The following MYO1D variants were observed in gnomAD, a reference collection of about 807,000 sequenced individuals.
The protein encoded by MYO1D is unconventional myosin-Id.
A neutral mutation model predicts 122.0 loss-of-function variants in MYO1D; 83 were observed. That is an observed-to-expected ratio of 0.68 (90% confidence interval 0.57 to 0.82). The LOEUF is 0.82. Among genes scored for constraint, MYO1D ranks in the 40% least tolerant of loss-of-function variants. MYO1D has a pLI of 0.00. For synonymous variants in MYO1D, 464 were observed against 446.9 expected, an observed-to-expected ratio of 1.04 and a Z score of -0.48; for missense variants, 1,157 against 1,269.5, an observed-to-expected ratio of 0.91 and a Z score of 1.35.
At chr17:32,715,136 G>A (rs1319031445) in intron 15 of MYO1D, among the ~76,000 whole-genome samples, 7 of 152,150 alleles carry the variant, frequency 4.6e-5, no homozygotes, top group Admixed American at 4.6e-4. Flanking sequence ...CAGTCAGAAT[G>A]GCAATTAGTA....
At chr17:32,593,117 C>G (rs1326573833) in intron 21 of MYO1D, among the ~76,000 whole-genome samples, 1 of 109,968 alleles carries the variant, frequency 9.1e-6, no homozygotes, top group Non-Finnish European at 2.0e-5. Flanking sequence ...AACCATTACT[C>G]TGGCCAGTTA....
intron 14 of MYO1D, among the ~76,000 whole-genome samples, chr17:32,725,235 A>G (rs2089557886): frequency 6.6e-6 from 1 of 152,106 alleles, no homozygotes; most frequent in African/African-American, 2.4e-5. Flanking sequence ...GTAGGTGAAG[A>G]AGGCCAGGTG....
At chr17:32,648,572 C>T (rs1470455927) in intron 19 of MYO1D, among the ~76,000 whole-genome samples, 1 of 152,198 alleles carries the variant, frequency 6.6e-6, no homozygotes, top group Non-Finnish European at 1.5e-5. Context: ...AGCCCCACCC[C>T]TTAACCTTCA....
intron 1 of MYO1D, among the ~76,000 whole-genome samples, chr17:32,846,954 T>G (rs933121227): frequency 6.6e-6 from 1 of 152,020 alleles, no homozygotes. Context: ...ACCACTGAAC[T>G]CCAGCCTGGG....
intron 14 of MYO1D, among the ~76,000 whole-genome samples, chr17:32,730,215 AT>A (rs1318179595): frequency 6.7e-6 from 1 of 150,248 alleles, no homozygotes; most frequent in Non-Finnish European, 1.5e-5. Flanking sequence ...TTTCACATGT[AT>A]TTTTAACTCA....
At chr17:32,591,353 C>T (rs2087437063) in intron 21 of MYO1D, among the ~76,000 whole-genome samples, 1 of 152,240 alleles carries the variant, frequency 6.6e-6, no homozygotes, top group South Asian at 2.1e-4. Context: ...GAAGCCTGCT[C>T]TTTGCAGGTG....
At chr17:32,857,056 T>C (rs1395617024) in intron 1 of MYO1D, among the ~76,000 whole-genome samples, 1 of 152,218 alleles carries the variant, frequency 6.6e-6, no homozygotes, top group Non-Finnish European at 1.5e-5. Context: ...CTTAATCAGT[T>C]ATGTGACTTT....
intron 1 of MYO1D, among the ~76,000 whole-genome samples, chr17:32,859,178 C>G (rs970775828): frequency 7.9e-5 from 12 of 152,206 alleles, no homozygotes; most frequent in Non-Finnish European, 1.2e-4. Context: ...TATATTTACT[C>G]CTCTGTCTAG....
chr17:32,876,659 C>T (rs2091234647), intron 1 of MYO1D, 119 bp downstream of exon 1: 1 of 743,262 alleles, frequency 1.3e-6, no homozygotes, highest in South Asian at 2.2e-5. Flanking sequence ...GCAGCCCGGC[C>T]GCGCCTCCAT....
Position 32,776,003 on chromosome 17 carries a change from T to C in MYO1D, c.425A>G (p.Asn142Ser), listed in dbSNP as rs1461651206. Residue 142 changes from asparagine to serine, a missense_variant, in exon 4 of 22, where the codon AAC becomes AGC. Transcript: ENST00000318217. ...ERVKNMLLKSNCVLEAFGNAK... is the reference protein window; with the variant it reads ...ERVKNMLLKSSCVLEAFGNAK... ...ATTTCCAAAAGCTTCCAAAACACAG[T>C]TGGACTTAAGCAACATATTCTTCAC... 24 of 1,613,778 alleles carry C rather than the reference T, an allele frequency of 1.5e-5. No individual in the cohort carries two copies. The highest frequency in any genetic ancestry group is 2.2e-5 in the East Asian group (1 of 44,842).
rs890671554 is a variant in MYO1D, at chr17:32,621,015, G to A, written c.2710-15774C>T. 2.6e-5 allele frequency among the ~76,000 whole-genome samples: 4 copies of A among 152,108 alleles called. No homozygotes were observed. In the South Asian group the frequency reaches 6.2e-4, roughly 24 times the overall value. The stretch of plus-strand genomic sequence containing the variant: ...ATATATAATGAGATATCTTCAGGAC[G>A]GAACCCAAGTCTAAAATGACATTCA... On this transcript the variant is annotated intron_variant, in intron 20 of 21. Transcript: ENST00000318217.
chr17:32,679,766 C>T (rs920481085), intron 16 of MYO1D, among the ~76,000 whole-genome samples: 4 of 151,866 alleles, frequency 2.6e-5, no homozygotes, highest in Admixed American at 6.6e-5. Flanking sequence ...TCCATATGAA[C>T]TTTAAAGTAG....
chr17:32,696,007 C>A (rs766009314), intron 16 of MYO1D, among the ~76,000 whole-genome samples: 15 of 152,168 alleles, frequency 9.9e-5, no homozygotes, highest in Admixed American at 4.6e-4. Context: ...CTTTTAAATT[C>A]TCACCCTCTC....
chr17:32,876,979 C>G lies in MYO1D; in HGVS notation c.-107G>C. ...GGGGCGAGGCCGCGCCGCGAGGCTACGGGGAGGGGGCGCGCACGCCGCTCG... is the reference window on the plus strand; with the variant it reads ...GGGGCGAGGCCGCGCCGCGAGGCTAGGGGGAGGGGGCGCGCACGCCGCTCG... On this transcript the variant is annotated 5_prime_UTR_variant, in exon 1 of 22. Coordinates refer to ENST00000318217, the MANE Select transcript of MYO1D (RefSeq NM_015194.3). The G allele has an allele frequency of 3.7e-6, 2 of 534,588 alleles. No homozygotes were observed. Among genetic ancestry groups the G allele is most frequent in the Non-Finnish European group, 2.7e-6 (1 of 368,248 alleles). The allele number at this position is 534,588 out of a possible 1,614,324, so 33.1% of individuals were successfully genotyped here.
At chr17:32,742,096 T>G (rs1311552285) in intron 13 of MYO1D, among the ~76,000 whole-genome samples, 1 of 152,162 alleles carries the variant, frequency 6.6e-6, no homozygotes, top group Non-Finnish European at 1.5e-5. Flanking sequence ...CAGACTTTTT[T>G]GAGGGGTCAT....
chr17:32,544,684 G>C (rs1473517488), intron 21 of MYO1D, among the ~76,000 whole-genome samples: 1 of 152,124 alleles, frequency 6.6e-6, no homozygotes, highest in Non-Finnish European at 1.5e-5. Flanking sequence ...AGGTATACTT[G>C]CATATAGAAA....
intron 20 of MYO1D, among the ~76,000 whole-genome samples, chr17:32,609,066 C>T (rs919559493): frequency 2.7e-4 from 41 of 152,176 alleles, no homozygotes; most frequent in African/African-American, 9.9e-4. Flanking sequence ...CTGACTGTGG[C>T]AGTGGTTACA....
intron 1 of MYO1D, among the ~76,000 whole-genome samples, chr17:32,818,891 T>G (rs889723440): frequency 3.9e-5 from 6 of 152,238 alleles, no homozygotes; most frequent in African/African-American, 1.4e-4. Context: ...AAGTTCTGCC[T>G]CATTTTCTGC....
At chr17:32,518,041 C>G (rs1909958890) in intron 21 of MYO1D, among the ~76,000 whole-genome samples, 3 of 151,572 alleles carry the variant, frequency 2.0e-5, no homozygotes, top group Non-Finnish European at 4.4e-5. Flanking sequence ...AGCACCTGGC[C>G]CGCCACTCTG....
Sources: allele counts gnomAD v4.1 joint callset (sites outside exome capture counted in the v4.1 genomes callset), GRCh38; gene constraint gnomAD v4.1.1; transcripts MANE v1.5; gene names NCBI Gene and HGNC (gene_info 2026-07-23, HGNC 2026-07-21).